The following MBTPS1 variants were observed in gnomAD, a reference collection of about 807,000 sequenced individuals.
The protein encoded by MBTPS1 is membrane bound transcription factor peptidase, site 1, also known as membrane-bound transcription factor site-1 protease.
MBTPS1 carries 94 observed loss-of-function variants against 127.8 expected under a neutral mutation model. The observed-to-expected ratio is 0.74, with a 90% CI of 0.62 to 0.87. The LOEUF is 0.87. Among genes scored for constraint, MBTPS1 ranks in the 40% least tolerant of loss-of-function variants. MBTPS1 has a pLI of 0.00. For missense variants in MBTPS1, 1,636 were observed against 1,353.2 expected (o/e 1.21, Z -3.28); for synonymous variants, 632 against 509.4 (o/e 1.24, Z -3.24).
intron 21 of MBTPS1, 130 bp downstream of exon 21, chr16:84,059,172 G>A: frequency 8.0e-7 from 1 of 1,245,056 alleles, no homozygotes. Context: ...CTAAATAACT[G>A]TCGCAAATGA....
In MBTPS1 at chr16:84,093,749, T is replaced by A; in HGVS notation, c.698A>T (p.Glu233Val). ...TCGCTCGTTGGTCCAGTTGGTTCTC[T>A]CCTTCACATTTTTGAAGTGGGGATG... The part of the protein sequence containing the change: ...EKHPHFKNVK[E>V]RTNWTNERTL... The change falls in exon 5 of 23, where the codon GAG (glutamate) becomes GTG (valine). Residue 233 changes from glutamate to valine, a missense_variant. Glu to Val is a moderately radical substitution (Grantham distance 121). Transcript: ENST00000343411. 1 of 1,614,192 alleles carries A rather than the reference T, an allele frequency of 6.2e-7. No homozygotes were observed. The highest frequency in any genetic ancestry group is 2.2e-5 in the East Asian group (1 of 44,886).
At chr16:84,095,305 G>A (rs2086163775) in intron 4 of MBTPS1, among the ~76,000 whole-genome samples, 1 of 152,216 alleles carries the variant, frequency 6.6e-6, no homozygotes, top group African/African-American at 2.4e-5. Context: ...GGAGAGAAGT[G>A]CTCCACAGCC....
rs887723092 is a variant in MBTPS1 at position 84,056,099 on chromosome 16, G to A, written c.2868C>T (p.Asp956=). 1.2e-6 allele frequency: 2 copies of A among 1,613,942 alleles called. No individual in the cohort carries two copies. Among genetic ancestry groups the A allele is most frequent in the African/African-American group, 2.7e-5 (2 of 74,940 alleles). The change falls in exon 22 of 23, where the codon GAC becomes GAT. Residue 956 remains aspartate (D), a synonymous_variant. Coordinates refer to ENST00000343411, the MANE Select transcript of MBTPS1 (RefSeq NM_003791.4). The stretch of plus-strand genomic sequence containing the variant: ...AGTTGGGTAACACCACCTTGTCCAG[G>A]TCAATGGAGAGTAGCTTCTGATGTT... ...LWKHQKLLSI[D]LDKVVLPNFR...
At chr16:84,116,289 CA>C (rs1249559753) in intron 1 of MBTPS1, among the ~76,000 whole-genome samples, 1 of 152,208 alleles carries the variant, frequency 6.6e-6, no homozygotes, top group Non-Finnish European at 1.5e-5. Flanking sequence ...GTTTAAAAGG[CA>C]ATCTGGTTCT....
chr16:84,103,463 T>G (rs1315958632), intron 1 of MBTPS1, among the ~76,000 whole-genome samples: 2 of 152,056 alleles, frequency 1.3e-5, no homozygotes, highest in Non-Finnish European at 2.9e-5. Context: ...TCTCGGCATT[T>G]TGTCCAGGCT....
chr16:84,081,853 C>A lies in MBTPS1; in HGVS notation c.1342G>T (p.Ala448Ser). The part of the protein sequence containing the change: ...NPASMKQALI[A>S]SARRLPGVNM... ...ACCCCGGGGAGCCTCCGGGCTGACG[C>A]GATCAGGGCCTGCTTCATACTGGCG... The change falls in exon 11 of 23, where the codon GCG becomes TCG. Residue 448 changes from alanine (A) to serine (S), a missense_variant. Transcript: ENST00000343411. 1 of 1,520,984 alleles carries A rather than the reference C, an allele frequency of 6.6e-7. No individual in the cohort carries two copies. 94.2% of individuals were successfully genotyped at this position (1,520,984 alleles called of 1,614,324 possible).
chr16:84,081,837 A>G lies in MBTPS1; in HGVS notation c.1358T>C (p.Leu453Pro). 1.8e-5 allele frequency: 28 copies of G among 1,532,230 alleles called. No homozygotes were observed. The highest frequency in any genetic ancestry group is 2.5e-5 in the Non-Finnish European group (28 of 1,137,904). The allele number at this position is 1,532,230 out of a possible 1,614,324, so 94.9% of individuals were successfully genotyped here. A position where few individuals can be genotyped will look rare whatever the true frequency, so the allele number is the denominator to read the frequency against. ...TTGCTCAAACATGTTGACCCCGGGGAGCCTCCGGGCTGACGCGATCAGGGC... is the reference window on the plus strand; with the variant it reads ...TTGCTCAAACATGTTGACCCCGGGGGGCCTCCGGGCTGACGCGATCAGGGC... ...KQALIASARRLPGVNMFEQGH... is the reference protein window; with the variant it reads ...KQALIASARRPPGVNMFEQGH... The change falls in exon 11 of 23, where the codon CTC (leucine) becomes CCC (proline). Residue 453 changes from leucine to proline, a missense_variant. Transcript: ENST00000343411.
intron 1 of MBTPS1, among the ~76,000 whole-genome samples, chr16:84,111,955 C>T (rs2086403779): frequency 6.6e-6 from 1 of 150,894 alleles, no homozygotes. Flanking sequence ...AATCCCAGCA[C>T]TTTGGGAAGC....
At chr16:84,097,154 T>G (rs568048662) in intron 3 of MBTPS1, among the ~76,000 whole-genome samples, 1 of 152,154 alleles carries the variant, frequency 6.6e-6, no homozygotes. Context: ...AGAAAACAGA[T>G]AGGCTTTGTC....
chr16:84,105,677 G>C (rs532075513), intron 1 of MBTPS1, among the ~76,000 whole-genome samples: 2 of 152,242 alleles, frequency 1.3e-5, no homozygotes, highest in Non-Finnish European at 2.9e-5. Context: ...GAAAGACGAG[G>C]GGGGAAGAGA....
Position 84,077,754 on chromosome 16 carries a change from A to AT in MBTPS1, c.1449-3014_1449-3013insA, listed in dbSNP as rs148169548. On this transcript the variant is annotated intron_variant, in intron 11 of 22. Transcript: ENST00000343411. Reference sequence around the variant, plus strand: ...TGAAGAGTAACAAATGTGACTATTAAAAAACAACTGCATGGCAAAAACACC... The same window carrying AT: ...TGAAGAGTAACAAATGTGACTATTAATAAAACAACTGCATGGCAAAAACACC... Among the ~76,000 whole-genome samples, 1,107 of 152,372 alleles carry AT rather than the reference A, an allele frequency of 7.3e-3. 10 individuals are homozygous for AT. The highest frequency in any genetic ancestry group is 0.025 in the African/African-American group (1,040 of 41,586).
rs1305479636 is a variant in MBTPS1, at chr16:84,054,517, T to C, written c.3091A>G (p.Arg1031Gly). Reference sequence around the variant, plus strand: ...TGCGGGCGCTTCACCCTGGGCTTCCTCCGCTTCGGCCTGCTCTTGGCCTTG... The same window carrying C: ...TGCGGGCGCTTCACCCTGGGCTTCCCCCGCTTCGGCCTGCTCTTGGCCTTG... ...INKAKSRPKR[R>G]KPRVKRPQLM... The change falls in exon 23 of 23, where the codon AGG (arginine) becomes GGG (glycine). Residue 1031 changes from arginine to glycine, a missense_variant. Physicochemically the swap from Arg to Gly is moderately radical, Grantham distance 125. Transcript: ENST00000343411. 2 of 1,613,810 alleles carry C rather than the reference T, an allele frequency of 1.2e-6. No individual in the cohort carries two copies. Among genetic ancestry groups the C allele is most frequent in the East Asian group, 2.2e-5 (1 of 44,846 alleles).
intron 4 of MBTPS1, among the ~76,000 whole-genome samples, chr16:84,095,260 C>T (rs538081819): frequency 4.5e-4 from 69 of 152,302 alleles, no homozygotes; most frequent in African/African-American, 1.6e-3. Flanking sequence ...CGCCAGTGGC[C>T]GGCAGCGCTG....
chr16:84,068,982 T>A (rs182005216), intron 14 of MBTPS1, among the ~76,000 whole-genome samples: 42 of 152,204 alleles, frequency 2.8e-4, no homozygotes, highest in Admixed American at 1.4e-3. Flanking sequence ...CATTCTCACC[T>A]CCCAGCAGCA....
rs1190813406 is a variant in MBTPS1, at chr16:84,099,122, C to T, written c.352G>A (p.Glu118Lys). Residue 118 changes from glutamate (E) to lysine (K), a missense_variant, in exon 3 of 23, where the codon GAA becomes AAA. Glu to Lys is a moderately conservative substitution (Grantham distance 56, BLOSUM62 1). Transcript: ENST00000343411. ...ACCCGTTTGATGTTTGGATGATCTT[C>T]AAGTGTTAGCAGCCCCGCTTTCTGT... ...EKQKAGLLTL[E>K]DHPNIKRVTP... 6.2e-7 allele frequency: 1 copy of T among 1,614,072 alleles called. No homozygotes were observed. The highest frequency in any genetic ancestry group is 1.7e-5 in the Admixed American group (1 of 60,006).
chr16:84,104,437 TG>T (rs1204951785), intron 1 of MBTPS1, among the ~76,000 whole-genome samples: 2 of 152,188 alleles, frequency 1.3e-5, no homozygotes, highest in Non-Finnish European at 2.9e-5. Flanking sequence ...CATTCCAGCC[TG>T]GGTGACACAG....
intron 11 of MBTPS1, among the ~76,000 whole-genome samples, chr16:84,080,182 G>A (rs951969587): frequency 2.0e-5 from 3 of 152,110 alleles, no homozygotes; most frequent in Non-Finnish European, 2.9e-5. Flanking sequence ...AATCCACAGA[G>A]TAAAATAAAT....
At position 84,085,103 on chromosome 16, in the gene MBTPS1, G is replaced by A; in HGVS notation, c.1166C>T (p.Pro389Leu). The A allele has an allele frequency of 3.7e-6, 6 of 1,614,234 alleles. No individual in the cohort carries two copies. The highest frequency in any genetic ancestry group is 4.2e-6 in the Non-Finnish European group (5 of 1,180,046). ...GCCAGCACCATAGGTGACAATGTCA[G>A]GTTTCATGCGACCGTAGCCTCCTGG... ...ELPGGYGRMKPDIVTYGAGVR... is the reference protein window; with the variant it reads ...ELPGGYGRMKLDIVTYGAGVR... The change falls in exon 10 of 23, where the codon CCT (proline) becomes CTT (leucine). Residue 389 changes from proline (P) to leucine (L), a missense_variant. Pro to Leu is a moderately conservative substitution (Grantham distance 98). Coordinates refer to ENST00000343411, the MANE Select transcript of MBTPS1 (RefSeq NM_003791.4).
intron 1 of MBTPS1, among the ~76,000 whole-genome samples, chr16:84,108,770 C>T (rs189852682): frequency 2.0e-5 from 3 of 152,280 alleles, no homozygotes; most frequent in Admixed American, 2.0e-4. Context: ...GTGAAGAAGG[C>T]ACCAGGCAGG....
Sources: allele counts gnomAD v4.1 joint callset (sites outside exome capture counted in the v4.1 genomes callset), GRCh38; gene constraint gnomAD v4.1.1; transcripts MANE v1.5; gene names NCBI Gene and HGNC (gene_info 2026-07-23, HGNC 2026-07-21).